GOLGA4: variants seen among roughly 807,000 people sequenced by gnomAD.
GOLGA4 encodes the protein golgin subfamily A member 4.
A neutral mutation model predicts 265.9 loss-of-function variants in GOLGA4; 169 were observed. That is an observed-to-expected ratio of 0.64 (90% CI 0.56 to 0.72). GOLGA4 has a LOEUF of 0.72. Ranked by LOEUF, GOLGA4 falls within the 30% of genes least tolerant of loss-of-function variation. The pLI, the probability that GOLGA4 is intolerant of heterozygous loss-of-function variation, is 0.00. For synonymous variants in GOLGA4, 923 were observed against 855.8 expected, an observed-to-expected ratio of 1.08 and a Z score of -1.37; for missense variants, 2,482 against 2,483.4, an observed-to-expected ratio of 1.00 and a Z score of 0.01.
At chr3:37,331,271 G>A (rs916448694) in intron 16 of GOLGA4, among the ~76,000 whole-genome samples, 1 of 152,010 alleles carries the variant, frequency 6.6e-6, no homozygotes, top group East Asian at 1.9e-4. Context: ...ATTTGGAATA[G>A]CAACATTTCA....
chr3:37,306,501 C>CTGTGTGTGTGTGTG (rs35641880), intron 10 of GOLGA4, among the ~76,000 whole-genome samples: 13 of 140,216 alleles, frequency 9.3e-5, no homozygotes, highest in African/African-American at 2.8e-4. Flanking sequence ...TGGCTGTTCT[C>CTGTGTGTGTGTGTG]TGTGTGTGTG....
intron 16 of GOLGA4, among the ~76,000 whole-genome samples, chr3:37,333,380 C>T (rs1295106901): frequency 6.6e-6 from 1 of 151,352 alleles, no homozygotes; most frequent in Non-Finnish European, 1.5e-5. Context: ...CAACAATATA[C>T]TTTTTTTTTA....
intron 2 of GOLGA4, among the ~76,000 whole-genome samples, chr3:37,265,604 T>A (rs2096781576): frequency 1.3e-5 from 2 of 152,186 alleles, no homozygotes; most frequent in African/African-American, 2.4e-5. Flanking sequence ...TGTATACAAT[T>A]TGATGAATTT....
At chr3:37,249,817 T>C (rs1483289415) in intron 1 of GOLGA4, 2 of 152,234 alleles carry the variant, frequency 1.3e-5, no homozygotes, top group Non-Finnish European at 2.9e-5. Flanking sequence ...TCTGAGCTGA[T>C]TGCTACGTCC....
chr3:37,273,732 AAC>A, intron 2 of GOLGA4: 1 of 585,216 alleles, frequency 1.7e-6, no homozygotes, highest in Non-Finnish European at 3.0e-6. Flanking sequence ...ATATATGGTA[AAC>A]ACAGGTTTGC....
intron 2 of GOLGA4, among the ~76,000 whole-genome samples, chr3:37,258,507 T>C (rs976558951): frequency 1.3e-5 from 2 of 152,016 alleles, no homozygotes; most frequent in African/African-American, 4.8e-5. Context: ...CTTGTGTTTT[T>C]AGTAGAGATG....
rs768600209 is a variant in GOLGA4 at position 37,282,081 on chromosome 3, A to G, written c.286A>G (p.Thr96Ala). Reference protein sequence around the residue: ...RSSSKESLVRTSSRESLNRLD... With the variant: ...RSSSKESLVRASSRESLNRLD... ...TTCTTCTAAAGAGTCTTTGGTACGA[A>G]CATCTTCCAGAGAATCCCTGAATCG... Residue 96 changes from threonine to alanine, a missense_variant, in exon 3 of 24, where the codon ACA (threonine) becomes GCA (alanine). Thr to Ala is a moderately conservative substitution (Grantham distance 58). Around this residue, in one of 3 missense-constraint regions of GOLGA4, gnomAD observed 1,536 missense variants for 1,483.7 expected, o/e 1.04. Coordinates refer to ENST00000361924, the MANE Select transcript of GOLGA4 (RefSeq NM_002078.5). 1.9e-6 allele frequency: 3 copies of G among 1,613,986 alleles called. No individual in the cohort carries two copies. The East Asian group carries it at 6.7e-5, about 36-fold the overall frequency.
chr3:37,316,970 T>C (rs977905428), intron 11 of GOLGA4, among the ~76,000 whole-genome samples: 2 of 152,148 alleles, frequency 1.3e-5, no homozygotes, highest in African/African-American at 4.8e-5. Context: ...GAATGTTCTA[T>C]ATTTTGCTTT....
Position 37,257,920 on chromosome 3 carries a change from TATATA to T in GOLGA4, c.162+6437_162+6441del, listed in dbSNP as rs1205945671. On this transcript the variant is annotated intron_variant, in intron 2 of 23. Transcript: ENST00000361924. ...ATATATATATATATATATATGTATG[TATATA>T]TGTATATATACATACATATATATGT... 2.0e-4 allele frequency among the ~76,000 whole-genome samples: 23 copies of T among 117,268 alleles called. 3 individuals carry two copies. Among genetic ancestry groups the T allele is most frequent in the Admixed American group, 9.7e-4 (11 of 11,316 alleles). 76.9% of individuals were successfully genotyped at this position (117,268 alleles called of 152,430 possible).
chr3:37,267,711 CAAAAG>C (rs1294052817), intron 2 of GOLGA4, among the ~76,000 whole-genome samples: 3 of 151,968 alleles, frequency 2.0e-5, no homozygotes, highest in African/African-American at 7.3e-5. Flanking sequence ...ATTACAAAAA[CAAAAG>C]AAAAGTTTAC....
At chr3:37,343,950 T>C (rs1489944403) in intron 20 of GOLGA4, among the ~76,000 whole-genome samples, 3 of 152,244 alleles carry the variant, frequency 2.0e-5, no homozygotes, top group African/African-American at 7.2e-5. Flanking sequence ...TCAGTAGTGA[T>C]TGCATAATGG....
intron 2 of GOLGA4, chr3:37,276,409 C>G (rs1669038899): frequency 6.2e-7 from 1 of 1,608,688 alleles, no homozygotes; most frequent in Admixed American, 1.7e-5. Context: ...TGTGGAAAAA[C>G]TTGACCAAAG....
At chr3:37,253,614 C>T (rs1039097856) in intron 2 of GOLGA4, among the ~76,000 whole-genome samples, 4 of 151,720 alleles carry the variant, frequency 2.6e-5, no homozygotes, top group African/African-American at 4.8e-5. Context: ...CTGACTTGGT[C>T]GATTGTAAAA....
chr3:37,362,116 C>G (rs1696320835), intron 23 of GOLGA4, among the ~76,000 whole-genome samples: 3 of 152,200 alleles, frequency 2.0e-5, no homozygotes, highest in South Asian at 2.1e-4. Flanking sequence ...AATAAATACT[C>G]TCAGTGATTG....
intron 7 of GOLGA4, among the ~76,000 whole-genome samples, chr3:37,297,800 G>A (rs2096882402): frequency 6.6e-6 from 1 of 152,198 alleles, no homozygotes; most frequent in South Asian, 2.1e-4. Context: ...GCTGAAGCAG[G>A]CGGATTGCCT....
At position 37,251,421 on chromosome 3, in the gene GOLGA4, A is replaced by G. The variant is rs1309897927; in HGVS notation, c.99A>G (p.Thr33=). ...CGTCCTCCAATTCTTCAACACCAAC[A>G]AGAATGAGGAGCAGGACATCTTCAT... ...AQASSNSSTP[T]RMRSRTSSFT... is the part of the protein sequence containing the mutation. The change falls in exon 2 of 24, where the codon ACA becomes ACG. Residue 33 remains threonine (T), a synonymous_variant. Transcript: ENST00000361924. The G allele has an allele frequency of 3.1e-6, 5 of 1,612,584 alleles. No individual in the cohort carries two copies. Among genetic ancestry groups the G allele is most frequent in the African/African-American group, 2.7e-5 (2 of 74,902 alleles).
chr3:37,355,136 C>T lies in GOLGA4; in HGVS notation c.6612C>T (p.Phe2204=), dbSNP rs771260331. The T allele has an allele frequency of 6.6e-5, 106 of 1,608,340 alleles. No individual in the cohort carries two copies. The Admixed American group carries it at 1.7e-3, about 25-fold the overall frequency. ...MAKVITTVLK[F]PDDQTQKILE... ...AAGTTATAACCACCGTACTGAAGTT[C>T]CCTGATGATCAGACTCAGAAAATTT... The change falls in exon 22 of 24, where the codon TTC becomes TTT. Residue 2204 remains phenylalanine (F), a synonymous_variant. Transcript: ENST00000361924.
At chr3:37,318,208 T>C (rs564554285) in intron 11 of GOLGA4, among the ~76,000 whole-genome samples, 1 of 152,220 alleles carries the variant, frequency 6.6e-6, no homozygotes, top group South Asian at 2.1e-4. Flanking sequence ...CCTTCTGATA[T>C]GCCATATTAT....
rs1696742297 is a variant in GOLGA4, at chr3:37,366,325, A to C, written c.*279A>C. The C allele has an allele frequency of 2.4e-6, 1 of 411,906 alleles. No homozygotes were observed. The highest frequency in any genetic ancestry group is 2.0e-5 in the African/African-American group (1 of 49,170). 25.5% of individuals were successfully genotyped at this position (411,906 alleles called of 1,614,324 possible). On this transcript the variant is annotated 3_prime_UTR_variant, in exon 24 of 24. Coordinates refer to ENST00000361924, the MANE Select transcript of GOLGA4 (RefSeq NM_002078.5). ...TGGGAAGAGTTTTATGTTGTTTAAA[A>C]GATATTTTGATAACTTAACCTGCTT...
Sources: gnomAD v4.1 joint callset for allele counts (sites outside exome capture counted in the v4.1 genomes callset) on GRCh38, gnomAD v4.1.1 for gene constraint, gnomAD v4.1.1 regional missense constraint, MANE v1.5 for transcripts, NCBI Gene and HGNC (gene_info 2026-07-23, HGNC 2026-07-21) for gene names.